Variants in NCOR2 observed in about 807,000 individuals in gnomAD.
NCOR2 encodes the protein CTG repeat protein 26.
A neutral mutation model predicts 262.9 loss-of-function variants in NCOR2; 81 were observed. The observed-to-expected ratio is 0.31, with a 90% CI of 0.26 to 0.37. NCOR2 has a LOEUF of 0.37. Among genes scored for constraint, NCOR2 ranks in the 10% least tolerant of loss-of-function variants. The probability of loss-of-function intolerance (pLI) is 1.00; values close to 1 mark genes in which losing one functional copy is unlikely to be tolerated. For missense variants in NCOR2, 3,385 were observed against 3,621.4 expected, an observed-to-expected ratio of 0.93 and a Z score of 1.68; for synonymous variants, 1,659 against 1,559.3, an observed-to-expected ratio of 1.06 and a Z score of -1.51.
chr12:124,388,603 C>A (rs911208582), intron 16 of NCOR2: 3 of 1,276,796 alleles, frequency 2.3e-6, no homozygotes, highest in African/African-American at 3.1e-5. Flanking sequence ...AGCTGCCCAG[C>A]CTCAAATCCC....
At chr12:124,459,705 C>G (rs569535681) in intron 5 of NCOR2, among the ~76,000 whole-genome samples, 112 of 152,146 alleles carry the variant, frequency 7.4e-4, no homozygotes, top group Non-Finnish European at 1.5e-3. Flanking sequence ...GAGGAGATAC[C>G]CTCTAGAACG....
chr12:124,492,083 C>A (rs980558722), intron 1 of NCOR2, among the ~76,000 whole-genome samples: 4 of 152,234 alleles, frequency 2.6e-5, no homozygotes, highest in African/African-American at 9.6e-5. Flanking sequence ...CAGCAGCCCG[C>A]AGATGACGCC....
At chr12:124,490,228 G>A (rs1300953728) in intron 1 of NCOR2, among the ~76,000 whole-genome samples, 2 of 152,000 alleles carry the variant, frequency 1.3e-5, no homozygotes, top group African/African-American at 2.4e-5. Context: ...GCTCCTCCCC[G>A]ACTCTCTACT....
At chr12:124,425,534 CG>C (rs1039674492) in intron 11 of NCOR2, among the ~76,000 whole-genome samples, 2 of 152,002 alleles carry the variant, frequency 1.3e-5, no homozygotes, top group African/African-American at 4.8e-5. Context: ...TTAGATTCCC[CG>C]GAATTATAGC....
At chr12:124,485,587 C>A (rs1466087813) in intron 2 of NCOR2, among the ~76,000 whole-genome samples, 1 of 152,232 alleles carries the variant, frequency 6.6e-6, no homozygotes, top group Non-Finnish European at 1.5e-5. Flanking sequence ...CCCAGGAAAC[C>A]AATCCAGGTA....
intron 1 of NCOR2, among the ~76,000 whole-genome samples, chr12:124,533,696 A>G (rs941934967): frequency 5.3e-5 from 8 of 152,134 alleles, no homozygotes; most frequent in Non-Finnish European, 1.0e-4. Flanking sequence ...AAACGAATAT[A>G]TAGTCATGTA....
chr12:124,376,335 G>A (rs1029920632), intron 18 of NCOR2, among the ~76,000 whole-genome samples: 3 of 152,216 alleles, frequency 2.0e-5, no homozygotes, highest in South Asian at 2.1e-4. Context: ...CCTGGGTGGC[G>A]TCTGCTCCGG....
chr12:124,501,302 T>C (rs1211553747), intron 1 of NCOR2, among the ~76,000 whole-genome samples: 3 of 151,934 alleles, frequency 2.0e-5, no homozygotes, highest in Admixed American at 1.3e-4. Context: ...TTCCACTCAC[T>C]GTGGAATAAG....
intron 16 of NCOR2, among the ~76,000 whole-genome samples, chr12:124,387,870 G>A (rs1468068005): frequency 1.3e-5 from 2 of 152,190 alleles, no homozygotes; most frequent in African/African-American, 4.8e-5. Flanking sequence ...GGCGAGAGGG[G>A]GCGGGTCTCC....
At position 124,504,893 on chromosome 12, in the gene NCOR2, G is replaced by C. The variant is rs891989232; in HGVS notation, c.-117-9525C>G. ...TGGGGAGGGAGGAGAGGGGAGTGACGGTTTAATGGGTTTGGGGTTTCCTTC... is the reference window on the plus strand; with the variant it reads ...TGGGGAGGGAGGAGAGGGGAGTGACCGTTTAATGGGTTTGGGGTTTCCTTC... On this transcript the variant is annotated intron_variant, in intron 1 of 46. Coordinates refer to the NCOR2 transcript ENST00000404621. The surrounding 1 kb of genome is among the most constrained non-coding windows in gnomAD (Gnocchi z 4.5). Among the ~76,000 whole-genome samples the C allele has an allele frequency of 6.6e-6, 1 of 152,186 alleles. No individual in the cohort carries two copies. Among genetic ancestry groups the C allele is most frequent in the Non-Finnish European group, 1.5e-5 (1 of 68,040 alleles).
intron 17 of NCOR2, among the ~76,000 whole-genome samples, chr12:124,381,112 CT>C (rs1331378975): frequency 6.6e-6 from 1 of 152,146 alleles, no homozygotes; most frequent in African/African-American, 2.4e-5. Context: ...AGTCCTCCCC[CT>C]ATCCATATGG....
intron 22 of NCOR2, among the ~76,000 whole-genome samples, chr12:124,359,783 AG>A (rs2038377869): frequency 6.6e-6 from 1 of 152,124 alleles, no homozygotes; most frequent in African/African-American, 2.4e-5. Flanking sequence ...AGTTGGGCCC[AG>A]GGGGCCCCGA....
intron 29 of NCOR2, 68 bp downstream of exon 31, chr12:124,348,106 C>G: frequency 6.3e-7 from 1 of 1,594,202 alleles, no homozygotes; most frequent in Non-Finnish European, 8.5e-7. Flanking sequence ...ATCTGTAAAA[C>G]GGGGTCAGCC....
At chr12:124,553,768 C>A (rs1312105595) in intron 1 of NCOR2, among the ~76,000 whole-genome samples, 2 of 152,174 alleles carry the variant, frequency 1.3e-5, no homozygotes, top group African/African-American at 2.4e-5. Flanking sequence ...CATAAGAAAT[C>A]CCCCCACTGC....
Position 124,402,446 on chromosome 12 carries a change from TCCTCCTTCTCCG to T in NCOR2, c.1586_1597del (p.Ala529_Glu532del), listed in dbSNP as rs759765459. On this transcript the variant is annotated inframe_deletion, in exon 14 of 47. Transcript: ENST00000405201. ...GTCGTTCTCCACCTCCGGCTTCTCC[TCCTCCTTCTCCG>T]CCTCCTTTTCCTTCTCCTTCTCATC... The T allele has an allele frequency of 7.7e-5, 124 of 1,613,784 alleles. 1 individual carries two copies. Among genetic ancestry groups the T allele is most frequent in the Admixed American group, 8.3e-5 (5 of 59,996 alleles).
rs116009141 is a variant in NCOR2, at chr12:124,549,803, C to G, written c.-164-14192G>C. On this transcript the variant is annotated intron_variant, in intron 1 of 32. Coordinates refer to the NCOR2 transcript ENST00000458234. This position sits in a 1 kb window ranked among gnomAD's most constrained non-coding sequence, Gnocchi z 4.4. ...ACGGAGGGAGAGAGGGCGGCAGGAACGGGGCCTTGAGTCACCACCCTATCC... is the reference window on the plus strand; with the variant it reads ...ACGGAGGGAGAGAGGGCGGCAGGAAGGGGGCCTTGAGTCACCACCCTATCC... Among the ~76,000 whole-genome samples, 87 of 152,262 alleles carry G rather than the reference C, an allele frequency of 5.7e-4. No individual in the cohort carries two copies. Among genetic ancestry groups the G allele is most frequent in the Non-Finnish European group, 1.1e-3 (73 of 67,996 alleles).
Position 124,341,700 on chromosome 12 carries a change from C to T in NCOR2, c.5188+123G>A, listed in dbSNP as rs12313858. ...CAACCCCAGGCCACCCACTCAGGTC[C>T]GTTCACACAAGGTGACCCACAAGGT... On this transcript the variant is annotated intron_variant, in intron 34 of 46. Coordinates refer to ENST00000405201, the Ensembl canonical transcript of NCOR2. 1.6e-3 allele frequency: 2,231 copies of T among 1,433,184 alleles called. 33 individuals are homozygous for T. The African/African-American group carries it at 0.026, about 17-fold the overall frequency. The allele number at this position is 1,433,184 out of a possible 1,614,324, so 88.8% of individuals were successfully genotyped here.
chr12:124,421,431 C>T (rs924649134), intron 12 of NCOR2, among the ~76,000 whole-genome samples: 1 of 152,254 alleles, frequency 6.6e-6, no homozygotes, highest in Non-Finnish European at 1.5e-5. Flanking sequence ...CTGAGGGAGA[C>T]GTCGTCACTC....
chr12:124,334,882 G>T (rs1419672623), intron 40 of NCOR2: 5 of 621,162 alleles, frequency 8.0e-6, no homozygotes, highest in Non-Finnish European at 1.4e-5. Flanking sequence ...CACCAGGAAG[G>T]CCTCATTGCC....
Sources: gnomAD v4.1 joint callset for allele counts (sites outside exome capture counted in the v4.1 genomes callset) on GRCh38, gnomAD v4.1.1 for gene constraint, Gnocchi (gnomAD v3.1) non-coding constraint, MANE v1.5 for transcripts, NCBI Gene and HGNC (gene_info 2026-07-23, HGNC 2026-07-21) for gene names.